The following RIMS1 variants were observed in gnomAD, a reference collection of about 807,000 sequenced individuals.
RIMS1 encodes the protein regulating synaptic membrane exocytosis 1.
Under a neutral mutation model 214.1 loss-of-function variants are expected in RIMS1, and 83 were observed. The ratio of observed to expected loss-of-function variants is 0.39; its 90% CI spans 0.32 to 0.47. The LOEUF (loss-of-function observed/expected upper bound fraction) is 0.47, where lower values mean the gene tolerates loss of function less well. RIMS1 is among the 20% of genes least tolerant of loss of function. The pLI, the probability that RIMS1 is intolerant of heterozygous loss-of-function variation, is 0.99. For synonymous variants in RIMS1, 793 were observed against 786.8 expected (o/e 1.01, Z -0.13); for missense variants, 2,050 against 2,161.8 (o/e 0.95, Z 1.03).
chr6:72,353,045 C>T (rs1241577143), intron 29 of RIMS1, among the ~76,000 whole-genome samples: 1 of 127,184 alleles, frequency 7.9e-6, no homozygotes, highest in Admixed American at 1.0e-4. Context: ...GGCTGGAGTG[C>T]AATGGCGAGA....
Position 72,401,241 on chromosome 6 carries a change from A to G in RIMS1, c.*527A>G, listed in dbSNP as rs1252807904. 1 of 153,386 alleles carries G rather than the reference A, an allele frequency of 6.5e-6. No individual in the cohort carries two copies. Among genetic ancestry groups the G allele is most frequent in the Non-Finnish European group, 1.5e-5 (1 of 68,738 alleles). 9.5% of individuals were successfully genotyped at this position (153,386 alleles called of 1,614,324 possible). A position where few individuals can be genotyped will look rare whatever the true frequency, so the allele number is the denominator to read the frequency against. ...CCACTAGTTTTTTTTTGGCTGTGTC[A>G]TGACAGGCCTCATGATGCTAACAGA... On this transcript the variant is annotated 3_prime_UTR_variant, in exon 34 of 34. Coordinates refer to ENST00000521978, the MANE Select transcript of RIMS1 (RefSeq NM_014989.7).
At chr6:72,008,933 A>C (rs914157530) in intron 2 of RIMS1, among the ~76,000 whole-genome samples, 60 of 152,298 alleles carry the variant, frequency 3.9e-4, no homozygotes, top group African/African-American at 1.4e-3. Flanking sequence ...AAAGTTAACA[A>C]GGATACCCAG....
intron 4 of RIMS1, among the ~76,000 whole-genome samples, chr6:72,119,970 A>G (rs2037906011): frequency 6.6e-6 from 1 of 151,794 alleles, no homozygotes; most frequent in African/African-American, 2.4e-5. Context: ...ATGTCCCTAC[A>G]AAGGACATGA....
intron 28 of RIMS1, among the ~76,000 whole-genome samples, chr6:72,317,992 T>C (rs2095906278): frequency 6.6e-6 from 1 of 152,176 alleles, no homozygotes; most frequent in Admixed American, 6.5e-5. Flanking sequence ...TTATTCCTTA[T>C]AATATTATTT....
At chr6:72,341,724 T>C (rs1321390372) in intron 29 of RIMS1, among the ~76,000 whole-genome samples, 2 of 151,802 alleles carry the variant, frequency 1.3e-5, no homozygotes, top group Admixed American at 6.6e-5. Flanking sequence ...AATCTAGTTC[T>C]ATTTATGTAT....
chr6:72,256,764 A>C (rs2076036369), intron 16 of RIMS1, among the ~76,000 whole-genome samples: 1 of 151,832 alleles, frequency 6.6e-6, no homozygotes, highest in Non-Finnish European at 1.5e-5. Context: ...TTCTAGCCTT[A>C]ATATTATAAT....
At chr6:72,176,715 A>G (rs1248310544) in intron 4 of RIMS1, among the ~76,000 whole-genome samples, 1 of 117,306 alleles carries the variant, frequency 8.5e-6, no homozygotes, top group Non-Finnish European at 1.7e-5. Context: ...ATTATACAGT[A>G]TTTTACTAAA....
intron 1 of RIMS1, among the ~76,000 whole-genome samples, chr6:71,898,087 C>G (rs1772413417): frequency 6.6e-6 from 1 of 152,022 alleles, no homozygotes; most frequent in Admixed American, 6.6e-5. Context: ...CCTGTTGTAT[C>G]TTGATTTATC....
intron 4 of RIMS1, among the ~76,000 whole-genome samples, chr6:72,107,421 C>T (rs753708418): frequency 7.2e-5 from 11 of 152,158 alleles, no homozygotes; most frequent in Non-Finnish European, 1.2e-4. Context: ...ATTAACCAGG[C>T]GTGGTGGCAG....
intron 8 of RIMS1, among the ~76,000 whole-genome samples, chr6:72,236,459 T>C (rs1336544910): frequency 1.3e-5 from 2 of 152,132 alleles, no homozygotes; most frequent in Non-Finnish European, 2.9e-5. Flanking sequence ...ACAAAAGAGA[T>C]TAAGATCTGA....
chr6:72,291,963 C>A lies in RIMS1; in HGVS notation c.3767C>A (p.Ser1256Tyr), dbSNP rs867013808. Residue 1256 changes from serine (S) to tyrosine (Y), a missense_variant, in exon 26 of 34, where the codon TCT becomes TAT. By Grantham distance (144) the Ser-to-Tyr change is moderately radical (BLOSUM62 -2). Around this residue, in one of 6 missense-constraint regions of RIMS1, gnomAD observed 889 missense variants for 885.5 expected, o/e 1.00. Transcript: ENST00000521978. ...RMHRQRSPTQ[S>Y]PPADTSFSSR... is the part of the protein sequence containing the mutation. ...CACCGACAGAGAAGTCCAACACAAT[C>A]TCCTCCAGCAGACACATCGTTCAGC... 1 of 1,562,930 alleles carries A rather than the reference C, an allele frequency of 6.4e-7. No individual in the cohort carries two copies. The highest frequency in any genetic ancestry group is 2.4e-5 in the East Asian group (1 of 41,600).
intron 25 of RIMS1, among the ~76,000 whole-genome samples, chr6:72,291,303 G>A (rs961745410): frequency 6.6e-6 from 1 of 152,102 alleles, no homozygotes; most frequent in African/African-American, 2.4e-5. Flanking sequence ...GCCAACAGAT[G>A]GAAGTCCGCT....
At chr6:72,187,230 C>T (rs2049269598) in intron 6 of RIMS1, among the ~76,000 whole-genome samples, 1 of 151,986 alleles carries the variant, frequency 6.6e-6, no homozygotes, top group African/African-American at 2.4e-5. Context: ...TTGCTGCAAC[C>T]CAACTTAAAA....
At chr6:72,356,631 G>A (rs528822735) in intron 29 of RIMS1, among the ~76,000 whole-genome samples, 185 of 150,970 alleles carry the variant, frequency 1.2e-3, no homozygotes, top group Non-Finnish European at 2.0e-3. Context: ...GTGGTGGCAG[G>A]TACCTGTAAT....
At chr6:72,015,156 G>A (rs985498006) in intron 2 of RIMS1, among the ~76,000 whole-genome samples, 2 of 152,104 alleles carry the variant, frequency 1.3e-5, no homozygotes, top group African/African-American at 4.8e-5. Context: ...TATGCATATA[G>A]CCTGAAGGTA....
intron 2 of RIMS1, among the ~76,000 whole-genome samples, chr6:72,086,608 G>A (rs1330491866): frequency 6.6e-6 from 1 of 152,150 alleles, no homozygotes; most frequent in Admixed American, 6.6e-5. Flanking sequence ...GAGCCTTAAG[G>A]AGTGTGGGTT....
rs79662663 is a variant in RIMS1, at chr6:72,291,854, G to A, written c.3738-80G>A. ...GAGGGGGTTTATGTCTATTTTAATC[G>A]TAACAGAAAGGAGGAAAGATTTTTG... On this transcript the variant is annotated intron_variant, in intron 25 of 33. Transcript: ENST00000521978. 1.1e-3 allele frequency: 1,169 copies of A among 1,036,118 alleles called. 10 individuals carry two copies. The African/African-American group carries it at 0.017, about 15-fold the overall frequency. The allele number at this position is 1,036,118 out of a possible 1,614,324, so 64.2% of individuals were successfully genotyped here.
At chr6:72,276,821 C>T (rs538423088) in intron 23 of RIMS1, among the ~76,000 whole-genome samples, 309 of 152,200 alleles carry the variant, frequency 2.0e-3, no homozygotes, top group African/African-American at 6.8e-3. Flanking sequence ...TCGTAATGAA[C>T]GTTGGCATTT....
chr6:72,071,780 T>C (rs1335472578), intron 2 of RIMS1, among the ~76,000 whole-genome samples: 1 of 152,176 alleles, frequency 6.6e-6, no homozygotes, highest in Admixed American at 6.5e-5. Context: ...ACTTTCATAA[T>C]GGAATAGATA....
Sources: gnomAD v4.1 joint callset for allele counts (sites outside exome capture counted in the v4.1 genomes callset) on GRCh38, gnomAD v4.1.1 for gene constraint, gnomAD v4.1.1 regional missense constraint, MANE v1.5 for transcripts, NCBI Gene and HGNC (gene_info 2026-07-23, HGNC 2026-07-21) for gene names.